RGS7: variants seen among roughly 807,000 people sequenced by gnomAD.
RGS7 encodes the protein regulator of G protein signaling 7, also known as regulator of G-protein signaling 7.
A neutral mutation model predicts 81.1 loss-of-function variants in RGS7; 27 were observed. That is an observed-to-expected ratio of 0.33 (90% CI 0.25 to 0.46). The LOEUF is 0.46. RGS7 is among the 20% of genes least tolerant of loss of function. RGS7 has a pLI of 1.00. For synonymous variants in RGS7, 208 were observed against 207.7 expected (o/e 1.00, Z -0.01); for missense variants, 396 against 607.4 (o/e 0.65, Z 3.66).
chr1:241,042,520 C>G (rs2060677927), intron 3 of RGS7, among the ~76,000 whole-genome samples: 1 of 152,100 alleles, frequency 6.6e-6, no homozygotes, highest in South Asian at 2.1e-4. Flanking sequence ...TAACAAAGTT[C>G]TTAATATATT....
intron 4 of RGS7, among the ~76,000 whole-genome samples, chr1:240,953,502 G>A (rs919315055): frequency 6.6e-6 from 1 of 151,964 alleles, no homozygotes; most frequent in East Asian, 1.9e-4. Context: ...ATAGGTCAAA[G>A]AAAATGTCTA....
chr1:240,784,148 T>C (rs866231836), intron 18 of RGS7, among the ~76,000 whole-genome samples: 15 of 149,814 alleles, frequency 1.0e-4, no homozygotes, highest in African/African-American at 2.9e-4. Context: ...GATTGTGCCA[T>C]TGCACTGCAG....
Position 240,911,681 on chromosome 1 carries a change from G to A in RGS7, c.385+19036C>T, listed in dbSNP as rs866915496. Among the ~76,000 whole-genome samples the A allele has an allele frequency of 2.6e-5, 4 of 152,240 alleles. No individual in the cohort carries two copies. In the South Asian group the frequency reaches 8.3e-4, roughly 32 times the overall value. On this transcript the variant is annotated intron_variant, in intron 6 of 18. Transcript: ENST00000440928. The stretch of plus-strand genomic sequence containing the variant: ...GGAAATCCAACTGAAAAACACTCAT[G>A]CCCAGTGGACCATGAATTTAAGGCA...
intron 2 of RGS7, among the ~76,000 whole-genome samples, chr1:241,222,637 C>T (rs2075078072): frequency 1.3e-5 from 2 of 152,124 alleles, no homozygotes; most frequent in Admixed American, 6.6e-5. Flanking sequence ...GCTAAATTCT[C>T]ACAATAAAAC....
intron 4 of RGS7, among the ~76,000 whole-genome samples, chr1:240,959,234 C>T (rs963069380): frequency 1.3e-5 from 2 of 152,138 alleles, no homozygotes; most frequent in African/African-American, 4.8e-5. Flanking sequence ...CTAACAGTAG[C>T]TCTGAGAATA....
chr1:241,118,247 T>C (rs1204591048), intron 2 of RGS7, among the ~76,000 whole-genome samples: 2 of 152,198 alleles, frequency 1.3e-5, no homozygotes, highest in African/African-American at 4.8e-5. Flanking sequence ...GAAGTTTCCA[T>C]CCTTAAACAA....
chr1:241,180,311 A>C (rs1392327474), intron 2 of RGS7, among the ~76,000 whole-genome samples: 3 of 151,948 alleles, frequency 2.0e-5, no homozygotes, highest in Non-Finnish European at 4.4e-5. Flanking sequence ...GGAGGCGGAG[A>C]TTGCAGTGAG....
intron 2 of RGS7, among the ~76,000 whole-genome samples, chr1:241,106,534 C>G (rs750553110): frequency 2.6e-5 from 4 of 151,316 alleles, no homozygotes; most frequent in Admixed American, 1.3e-4. Context: ...GCCAACATGG[C>G]GAAATTCTGT....
In RGS7 at chr1:241,190,722, T is replaced by A. The variant is rs138037948; in HGVS notation, c.79-91960A>T. 4.9e-3 allele frequency among the ~76,000 whole-genome samples: 744 copies of A among 152,294 alleles called. 16 individuals carry two copies. The highest frequency in any genetic ancestry group is 0.017 in the African/African-American group (707 of 41,558). ...CAGTTCTGTGGATGTTTTTGTAGAT[T>A]TTTTTCATTTTCTATATAGACAATT... is the stretch of plus-strand genomic sequence containing the variant. On this transcript the variant is annotated intron_variant, in intron 2 of 18. Transcript: ENST00000440928.
intron 5 of RGS7, among the ~76,000 whole-genome samples, chr1:240,932,957 C>G (rs1269432855): frequency 2.2e-5 from 3 of 133,614 alleles, no homozygotes; most frequent in South Asian, 2.4e-4. Context: ...GATCTCGGCT[C>G]ACTGCAAGCT....
intron 4 of RGS7, among the ~76,000 whole-genome samples, chr1:240,945,428 C>T (rs536435146): frequency 3.9e-5 from 6 of 152,284 alleles, no homozygotes; most frequent in Admixed American, 6.5e-5. Context: ...GTTGTAAAAA[C>T]GCACACATGT....
intron 2 of RGS7, among the ~76,000 whole-genome samples, chr1:241,173,213 G>A (rs1474994576): frequency 6.6e-6 from 1 of 152,154 alleles, no homozygotes; most frequent in East Asian, 1.9e-4. Context: ...CTGTGACTCT[G>A]TGAACTCCAT....
At chr1:241,130,643 C>A (rs1309587321) in intron 2 of RGS7, among the ~76,000 whole-genome samples, 1 of 152,028 alleles carries the variant, frequency 6.6e-6, no homozygotes, top group Non-Finnish European at 1.5e-5. Context: ...ACTCTAAAAT[C>A]TTTTTCTAAG....
intron 15 of RGS7, 76 bp downstream of exon 15, chr1:240,806,064 T>A: frequency 1.6e-6 from 2 of 1,286,708 alleles, no homozygotes. Context: ...CCATTTAGAA[T>A]GAAAATAAAA....
chr1:241,270,395 T>C (rs77913480), intron 2 of RGS7, among the ~76,000 whole-genome samples: 2,288 of 152,298 alleles, frequency 0.015, 56 homozygotes, highest in African/African-American at 0.053. Context: ...GATGCAGAAA[T>C]ACTCTCTTTT....
At chr1:240,913,048 A>G (rs1292081758) in intron 6 of RGS7, among the ~76,000 whole-genome samples, 2 of 152,224 alleles carry the variant, frequency 1.3e-5, no homozygotes, top group Non-Finnish European at 2.9e-5. Flanking sequence ...CACAACCAGC[A>G]AAACACTTCC....
chr1:241,076,210 G>A (rs2148882778), intron 3 of RGS7, among the ~76,000 whole-genome samples: 1 of 152,114 alleles, frequency 6.6e-6, no homozygotes, highest in East Asian at 1.9e-4. Context: ...CTCGAATGGA[G>A]CCTCTTCTAG....
At chr1:240,964,260 A>T (rs1202490987) in intron 4 of RGS7, among the ~76,000 whole-genome samples, 1 of 152,240 alleles carries the variant, frequency 6.6e-6, no homozygotes, top group African/African-American at 2.4e-5. Flanking sequence ...CAGTAGAGGA[A>T]GTGGAGAAAG....
chr1:241,076,301 C>T (rs2062797077), intron 3 of RGS7, among the ~76,000 whole-genome samples: 2 of 152,186 alleles, frequency 1.3e-5, no homozygotes, highest in South Asian at 4.1e-4. Context: ...CCCAGCCCTC[C>T]TGATGGCTTC....
Sources: gnomAD v4.1 joint callset for allele counts (sites outside exome capture counted in the v4.1 genomes callset) on GRCh38, gnomAD v4.1.1 for gene constraint, MANE v1.5 for transcripts, NCBI Gene and HGNC (gene_info 2026-07-23, HGNC 2026-07-21) for gene names.